CLVS1: variants seen among roughly 807,000 people sequenced by gnomAD.
CLVS1 encodes the protein clavesin 1, also known as clavesin-1.
In CLVS1, 10 loss-of-function variants were observed where a neutral mutation model predicts 33.1. The ratio of observed to expected loss-of-function variants is 0.30; its 90% CI spans 0.19 to 0.51. CLVS1 has a LOEUF of 0.51. CLVS1 is among the 20% of genes least tolerant of loss of function. The probability of loss-of-function intolerance (pLI) is 0.97; values close to 1 mark genes in which losing one functional copy is unlikely to be tolerated. For synonymous variants in CLVS1, 163 were observed against 166.1 expected, an observed-to-expected ratio of 0.98 and a Z score of 0.14; for missense variants, 343 against 433.4, an observed-to-expected ratio of 0.79 and a Z score of 1.85.
chr8:61,397,611 G>A (rs1472426498), intron 3 of CLVS1, among the ~76,000 whole-genome samples: 1 of 152,130 alleles, frequency 6.6e-6, no homozygotes, highest in Non-Finnish European at 1.5e-5. Context: ...AAGTCAAGAT[G>A]ATTGACGCCT....
intron 2 of CLVS1, among the ~76,000 whole-genome samples, chr8:61,248,952 A>G (rs1808876710): frequency 1.3e-5 from 2 of 152,170 alleles, no homozygotes; most frequent in Admixed American, 6.5e-5. Flanking sequence ...TGTGAGGTAC[A>G]TGTGCAGAAT....
At chr8:61,234,246 C>T (rs1486022864) in intron 2 of CLVS1, among the ~76,000 whole-genome samples, 4 of 152,152 alleles carry the variant, frequency 2.6e-5, no homozygotes, top group African/African-American at 9.7e-5. Flanking sequence ...CTTGGCTTGG[C>T]TGGACTGTGT....
rs1807757303 is a variant in CLVS1 at position 61,202,605 on chromosome 8, A to G, written c.-152+70745A>G. 13 of 1,409,232 alleles carry G rather than the reference A, an allele frequency of 9.2e-6. No individual in the cohort carries two copies. The Admixed American group carries it at 2.2e-4, about 24-fold the overall frequency. 87.3% of individuals were successfully genotyped at this position (1,409,232 alleles called of 1,614,324 possible). ...CAACTTTGAAAATGTCTGTACAGCC[A>G]ACGGTTTCCCTTGGGGGCTTTGAAA... is the stretch of plus-strand genomic sequence containing the variant. On this transcript the variant is annotated intron_variant, in intron 2 of 2. Coordinates refer to the CLVS1 transcript ENST00000522621.
chr8:61,080,173 C>A (rs951666776), intron 1 of CLVS1, among the ~76,000 whole-genome samples: 3 of 152,060 alleles, frequency 2.0e-5, no homozygotes, highest in Non-Finnish European at 4.4e-5. Context: ...TGTAACAAAA[C>A]AAAACAAAAG....
intron 1 of CLVS1, among the ~76,000 whole-genome samples, chr8:61,067,527 G>C (rs577381914): frequency 6.6e-6 from 1 of 150,980 alleles, no homozygotes; most frequent in East Asian, 1.9e-4. Flanking sequence ...CCATAGCTAT[G>C]AGAGCACAAG....
intron 2 of CLVS1, among the ~76,000 whole-genome samples, chr8:61,163,730 C>T (rs570779675): frequency 4.6e-5 from 7 of 152,294 alleles, no homozygotes; most frequent in African/African-American, 1.7e-4. Flanking sequence ...GTGTTCAGCT[C>T]TATTAGGACG....
At chr8:61,483,255 A>G (rs7461359) in intron 5 of CLVS1, among the ~76,000 whole-genome samples, 13,242 of 152,138 alleles carry the variant, frequency 0.087, 670 homozygotes, top group Non-Finnish European at 0.12. Flanking sequence ...AATGACAAAA[A>G]GGATATCACC....
chr8:61,381,488 G>A (rs546094261), intron 3 of CLVS1, among the ~76,000 whole-genome samples: 7 of 152,106 alleles, frequency 4.6e-5, no homozygotes, highest in African/African-American at 1.7e-4. Flanking sequence ...CTGTTACGTG[G>A]GTAAACTGTA....
the CLVS1 span, among the ~76,000 whole-genome samples, chr8:60,999,067 C>T: frequency 1.2e-4 from 18 of 152,026 alleles, no homozygotes; most frequent in South Asian, 2.1e-4. Context: ...GGGATCGAGG[C>T]GACAGAGGAT....
chr8:61,391,881 A>G (rs760823177), intron 3 of CLVS1, among the ~76,000 whole-genome samples: 2 of 152,358 alleles, frequency 1.3e-5, no homozygotes, highest in South Asian at 2.1e-4. Context: ...CTCAGAAGCT[A>G]TAAAAGAAAT....
chr8:61,460,282 G>A (rs866312144), intron 5 of CLVS1, among the ~76,000 whole-genome samples: 1 of 152,148 alleles, frequency 6.6e-6, no homozygotes, highest in African/African-American at 2.4e-5. Flanking sequence ...ATATATGTGT[G>A]TATACATATT....
chr8:61,219,127 A>C (rs1348243803), intron 2 of CLVS1, among the ~76,000 whole-genome samples: 1 of 151,936 alleles, frequency 6.6e-6, no homozygotes, highest in Non-Finnish European at 1.5e-5. Flanking sequence ...GCAGTCATTT[A>C]TTTTTTATTT....
At chr8:61,161,208 C>A (rs1410357648) in intron 2 of CLVS1, among the ~76,000 whole-genome samples, 3 of 120,168 alleles carry the variant, frequency 2.5e-5, no homozygotes, top group African/African-American at 7.5e-5. Context: ...AGAAGTGAAC[C>A]CTTGTACACA....
intron 2 of CLVS1, among the ~76,000 whole-genome samples, chr8:61,146,096 G>C (rs1385264297): frequency 1.3e-5 from 2 of 152,100 alleles, no homozygotes; most frequent in African/African-American, 4.8e-5. Context: ...TTGGTTGTTT[G>C]TATCTGGAGG....
upstream of CLVS1, among the ~76,000 whole-genome samples, chr8:61,283,240 G>C (rs187069823): frequency 1.4e-4 from 22 of 152,198 alleles, no homozygotes; most frequent in Admixed American, 2.6e-4. Flanking sequence ...CACCCTATTT[G>C]GTTCACTGTA....
intron 5 of CLVS1, among the ~76,000 whole-genome samples, chr8:61,485,935 TGG>T (rs1455575447): frequency 6.6e-6 from 1 of 151,228 alleles, no homozygotes; most frequent in East Asian, 1.9e-4. Context: ...CATCACACAC[TGG>T]GGCCTTTCGT....
At chr8:61,226,980 G>GTTTTTTTTTTTTTTTT (rs55718731) in intron 2 of CLVS1, among the ~76,000 whole-genome samples, 1 of 132,310 alleles carries the variant, frequency 7.6e-6, no homozygotes, top group African/African-American at 2.9e-5. Flanking sequence ...ACGAAAACAT[G>GTTTTTTTTTTTTTTTT]TTTTTTTTTT....
intron 5 of CLVS1, among the ~76,000 whole-genome samples, chr8:61,463,263 C>T (rs534255559): frequency 7.9e-5 from 12 of 152,124 alleles, no homozygotes; most frequent in Non-Finnish European, 1.8e-4. Flanking sequence ...GGAAATGTTG[C>T]GGCTGGTTTG....
intron 2 of CLVS1, among the ~76,000 whole-genome samples, chr8:61,372,296 A>T (rs2129601316): frequency 6.6e-6 from 1 of 152,306 alleles, no homozygotes; most frequent in South Asian, 2.1e-4. Context: ...AATTTGCATA[A>T]AGTAGGTGAA....
Sources: gnomAD v4.1 joint callset for allele counts (sites outside exome capture counted in the v4.1 genomes callset) on GRCh38, gnomAD v4.1.1 for gene constraint, MANE v1.5 for transcripts, NCBI Gene and HGNC (gene_info 2026-07-23, HGNC 2026-07-21) for gene names.